The following COL24A1 variants were observed in gnomAD, a reference collection of about 807,000 sequenced individuals.
COL24A1 encodes the protein collagen type XXIV alpha 1 chain, also known as collagen alpha-1(XXIV) chain.
In COL24A1, 224 loss-of-function variants were observed where a neutral mutation model predicts 253.9. The ratio of observed to expected loss-of-function variants is 0.88; its 90% CI spans 0.79 to 0.99. The LOEUF (loss-of-function observed/expected upper bound fraction) is 0.99. COL24A1 is among the 50% of genes least tolerant of loss of function. COL24A1 has a pLI of 0.00. For missense variants in COL24A1, 2,131 were observed against 2,068.5 expected (o/e 1.03, Z -0.59); for synonymous variants, 685 against 673.7 (o/e 1.02, Z -0.26).
intron 20 of COL24A1, among the ~76,000 whole-genome samples, chr1:85,985,702 G>A (rs1012854124): frequency 1.3e-5 from 2 of 151,732 alleles, no homozygotes; most frequent in African/African-American, 2.4e-5. Flanking sequence ...TCTATCAAAG[G>A]AGAGATTGGG....
At chr1:85,986,256 A>T (rs1693713572) in intron 20 of COL24A1, among the ~76,000 whole-genome samples, 1 of 151,724 alleles carries the variant, frequency 6.6e-6, no homozygotes, top group Admixed American at 6.6e-5. Context: ...GTCTAGCACA[A>T]TGGCTGCCAT....
chr1:85,943,539 G>A (rs1558745673), intron 24 of COL24A1, among the ~76,000 whole-genome samples: 1 of 152,204 alleles, frequency 6.6e-6, no homozygotes, highest in Non-Finnish European at 1.5e-5. Flanking sequence ...AAAAAGTTGT[G>A]ATAAGTTAAG....
intron 24 of COL24A1, among the ~76,000 whole-genome samples, chr1:85,943,321 C>T (rs577004935): frequency 6.6e-6 from 1 of 152,286 alleles, no homozygotes; most frequent in East Asian, 1.9e-4. Context: ...TTGCAGATGG[C>T]CTATTGTGAT....
chr1:86,069,988 AC>A (rs764558495), intron 7 of COL24A1, among the ~76,000 whole-genome samples: 2 of 152,240 alleles, frequency 1.3e-5, no homozygotes, highest in Non-Finnish European at 2.9e-5. Context: ...TAAATAAGGC[AC>A]GGGGCCAATT....
At position 85,838,577 on chromosome 1, in the gene COL24A1, G is replaced by A; in HGVS notation, c.3681+8C>T. The A allele has an allele frequency of 1.2e-6, 2 of 1,612,530 alleles. No individual in the cohort carries two copies. Among genetic ancestry groups the A allele is most frequent in the Non-Finnish European group, 1.7e-6 (2 of 1,178,618 alleles). ...AATTCATTAGTAAGGGGTATAACTT[G>A]CAATTACCTTATATCCCTCTGCTCC... On this transcript the variant is annotated splice_region_variant and intron_variant, in intron 43 of 59. Coordinates refer to ENST00000370571, the MANE Select transcript of COL24A1 (RefSeq NM_152890.7).
At chr1:85,889,122 G>A (rs1401096423) in intron 32 of COL24A1, among the ~76,000 whole-genome samples, 1 of 151,992 alleles carries the variant, frequency 6.6e-6, no homozygotes, top group Non-Finnish European at 1.5e-5. Flanking sequence ...CTTTTGTACT[G>A]TTGATGTAAC....
intron 31 of COL24A1, among the ~76,000 whole-genome samples, chr1:85,890,881 T>A (rs1273940963): frequency 1.3e-5 from 2 of 152,088 alleles, no homozygotes; most frequent in Non-Finnish European, 2.9e-5. Context: ...ATCTTTACAC[T>A]CTTTGTAGTA....
intron 10 of COL24A1, among the ~76,000 whole-genome samples, chr1:86,051,413 T>C (rs1700290769): frequency 6.6e-6 from 1 of 152,122 alleles, no homozygotes; most frequent in Admixed American, 6.6e-5. Context: ...AGAAGATTAA[T>C]GGTGCTTTGC....
At chr1:86,031,537 T>G (rs1286679881) in intron 14 of COL24A1, among the ~76,000 whole-genome samples, 1 of 152,128 alleles carries the variant, frequency 6.6e-6, no homozygotes, top group East Asian at 1.9e-4. Context: ...TTGAAAATAA[T>G]TAACAATTTT....
chr1:85,816,931 C>T (rs758007745), intron 46 of COL24A1, 36 bp from the exon 47 acceptor site: 2 of 1,411,082 alleles, frequency 1.4e-6, no homozygotes, highest in East Asian at 2.3e-5. Context: ...TGTAGAGATG[C>T]TGAAAAGATG....
rs1653663720 is a variant in COL24A1 at position 86,156,647 on chromosome 1, C to T, written c.-251G>A. The T allele has an allele frequency of 8.8e-6, 3 of 341,348 alleles. No individual in the cohort carries two copies. The highest frequency in any genetic ancestry group is 4.3e-5 in the African/African-American group (2 of 47,024). 21.1% of individuals were successfully genotyped at this position (341,348 alleles called of 1,614,324 possible). ...CGAACGAGCCCAGGGTTGCGCTCCC[C>T]GGGGAGGGCGGGCGAGGAGGTAAAC... On this transcript the variant is annotated 5_prime_UTR_variant, in exon 1 of 60. Transcript: ENST00000370571.
intron 32 of COL24A1, 132 bp from the exon 33 acceptor site, chr1:85,877,307 C>A: frequency 1.7e-6 from 1 of 596,732 alleles, no homozygotes. Context: ...CATTTATCAG[C>A]ATATTACTTT....
Position 86,022,615 on chromosome 1 carries a change from A to AGATACTTATG in COL24A1, c.2149-34_2149-25dup, listed in dbSNP as rs1697649044. The AGATACTTATG allele has an allele frequency of 1.9e-6, 3 of 1,605,422 alleles. No homozygotes were observed. The East Asian group carries it at 6.7e-5, about 36-fold the overall frequency. On this transcript the variant is annotated intron_variant, in intron 16 of 59. Transcript: ENST00000370571. ...CCCTGGAAAGCACAATTTCATGCAA[A>AGATACTTATG]GATACTTATGTATCACAAACATGGC...
chr1:85,759,597 G>A (rs937932784), intron 55 of COL24A1, among the ~76,000 whole-genome samples: 1 of 152,120 alleles, frequency 6.6e-6, no homozygotes, highest in Non-Finnish European at 1.5e-5. Context: ...ACAGAAAGGA[G>A]GAAAAGGGAG....
chr1:85,733,940 C>T (rs1241986018), intron 59 of COL24A1, among the ~76,000 whole-genome samples: 3 of 145,218 alleles, frequency 2.1e-5, no homozygotes, highest in African/African-American at 7.7e-5. Flanking sequence ...TCTTACTCTG[C>T]TGCCCAGGCT....
At chr1:85,940,566 G>C (rs983496478) in intron 24 of COL24A1, among the ~76,000 whole-genome samples, 1 of 152,084 alleles carries the variant, frequency 6.6e-6, no homozygotes, top group Non-Finnish European at 1.5e-5. Context: ...TATAAGACAA[G>C]CACTTCATGA....
intron 55 of COL24A1, among the ~76,000 whole-genome samples, chr1:85,758,943 T>G (rs1203392922): frequency 6.6e-6 from 1 of 151,952 alleles, no homozygotes; most frequent in African/African-American, 2.4e-5. Context: ...TTTCAGAGCA[T>G]TTTAATCACC....
intron 14 of COL24A1, among the ~76,000 whole-genome samples, chr1:86,031,633 A>C (rs1698578354): frequency 6.6e-6 from 1 of 152,194 alleles, no homozygotes; most frequent in Admixed American, 6.5e-5. Context: ...AGGTACAAAT[A>C]CATACATATA....
intron 19 of COL24A1, among the ~76,000 whole-genome samples, chr1:86,001,595 T>C (rs1200011546): frequency 6.6e-6 from 1 of 152,226 alleles, no homozygotes; most frequent in Admixed American, 6.5e-5. Flanking sequence ...GAGGAATACA[T>C]TGCAGTTAGC....
Sources: allele counts gnomAD v4.1 joint callset (sites outside exome capture counted in the v4.1 genomes callset), GRCh38; gene constraint gnomAD v4.1.1; transcripts MANE v1.5; gene names NCBI Gene and HGNC (gene_info 2026-07-23, HGNC 2026-07-21).